Variants in EYS observed in about 807,000 individuals in gnomAD.
The protein encoded by EYS is protein eyes shut homolog.
In EYS, 250 loss-of-function variants were observed where a neutral mutation model predicts 282.1. The ratio of observed to expected loss-of-function variants is 0.89; its 90% CI spans 0.80 to 0.98. The LOEUF (loss-of-function observed/expected upper bound fraction) is 0.98. Among genes scored for constraint, EYS ranks in the 50% least tolerant of loss-of-function variants. EYS has a pLI of 0.00. For synonymous variants in EYS, 1,355 were observed against 1,282.9 expected, an observed-to-expected ratio of 1.06 and a Z score of -1.20; for missense variants, 4,016 against 3,709.0, an observed-to-expected ratio of 1.08 and a Z score of -2.15.
chr6:65,000,802 A>G (rs1017517561), intron 13 of EYS, among the ~76,000 whole-genome samples: 2 of 152,214 alleles, frequency 1.3e-5, no homozygotes, highest in Admixed American at 1.3e-4. Context: ...TGTAACAACA[A>G]AATGGTGAAC....
chr6:65,599,799 G>C lies in EYS; in HGVS notation c.-333+39979C>G, dbSNP rs139076885. Among the ~76,000 whole-genome samples, 277 of 152,092 alleles carry C rather than the reference G, an allele frequency of 1.8e-3. 3 individuals are homozygous for C. The highest frequency in any genetic ancestry group is 6.5e-3 in the African/African-American group (268 of 41,510). On this transcript the variant is annotated intron_variant, in intron 2 of 42. Transcript: ENST00000503581. ...AGATAGTGCCTATTCATAGGGAAGGGGTTGGGGGGATAAATGGAACTTATT... is the reference window on the plus strand; with the variant it reads ...AGATAGTGCCTATTCATAGGGAAGGCGTTGGGGGGATAAATGGAACTTATT...
intron 31 of EYS, among the ~76,000 whole-genome samples, chr6:64,147,131 G>T (rs1018901211): frequency 3.3e-5 from 5 of 152,122 alleles, no homozygotes; most frequent in African/African-American, 1.2e-4. Context: ...TTGGGCTGAT[G>T]GGAGCAGATG....
chr6:63,942,444 C>T (rs1765270707), intron 35 of EYS, among the ~76,000 whole-genome samples: 1 of 152,148 alleles, frequency 6.6e-6, no homozygotes, highest in South Asian at 2.1e-4. Flanking sequence ...GTAGACATCT[C>T]TATTAAGGTG....
At chr6:64,421,855 TGG>T (rs4034647) in intron 28 of EYS, among the ~76,000 whole-genome samples, 18,409 of 102,552 alleles carry the variant, frequency 0.18, 1,286 homozygotes, top group African/African-American at 0.21. Context: ...TTTTTTTGTT[TGG>T]GGGGTGTGTG....
At chr6:65,435,520 A>C (rs1768042286) in intron 5 of EYS, among the ~76,000 whole-genome samples, 2 of 152,144 alleles carry the variant, frequency 1.3e-5, no homozygotes, top group Non-Finnish European at 2.9e-5. Context: ...TTACTAAGTA[A>C]AAAGAGAGAG....
intron 32 of EYS, among the ~76,000 whole-genome samples, chr6:64,076,647 G>T (rs1448178800): frequency 2.0e-5 from 3 of 151,866 alleles, no homozygotes; most frequent in African/African-American, 7.3e-5. Flanking sequence ...TGTCAAGTAA[G>T]ATGTGTCTTT....
chr6:64,954,870 A>G (rs887469085), intron 14 of EYS, among the ~76,000 whole-genome samples: 4 of 152,158 alleles, frequency 2.6e-5, no homozygotes, highest in Non-Finnish European at 5.9e-5. Context: ...CAAACTGAAA[A>G]ACAAATCAAA....
intron 12 of EYS, among the ~76,000 whole-genome samples, chr6:65,062,091 AC>A (rs1006087265): frequency 6.6e-6 from 1 of 151,840 alleles, no homozygotes; most frequent in African/African-American, 2.4e-5. Context: ...AGAAACCTCA[AC>A]CGTATCATGC....
intron 8 of EYS, among the ~76,000 whole-genome samples, chr6:65,363,989 T>A (rs1346419678): frequency 6.6e-6 from 1 of 151,434 alleles, no homozygotes; most frequent in Non-Finnish European, 1.5e-5. Context: ...ATATCTTAAT[T>A]ATTGGGGCTT....
intron 22 of EYS, among the ~76,000 whole-genome samples, chr6:64,648,710 T>C (rs1768443780): frequency 6.6e-6 from 1 of 152,186 alleles, no homozygotes; most frequent in South Asian, 2.1e-4. Context: ...GATAGACTGA[T>C]AAACCGTTCA....
intron 2 of EYS, among the ~76,000 whole-genome samples, chr6:65,550,160 T>C (rs1431380546): frequency 1.1e-4 from 1 of 8,968 alleles, no homozygotes; most frequent in Non-Finnish European, 1.5e-4. Flanking sequence ...TTTTTTTTTT[T>C]TTTTTTTTTT....
chr6:64,896,426 T>C (rs1290902288), intron 18 of EYS, among the ~76,000 whole-genome samples: 1 of 152,146 alleles, frequency 6.6e-6, no homozygotes, highest in South Asian at 2.1e-4. Flanking sequence ...TTTCTCATGG[T>C]CATTGAAACC....
chr6:64,598,642 A>G (rs1037755627), intron 24 of EYS, among the ~76,000 whole-genome samples: 1 of 152,204 alleles, frequency 6.6e-6, no homozygotes, highest in African/African-American at 2.4e-5. Context: ...TCTTGTGGAC[A>G]TTGTATAGCC....
intron 19 of EYS, among the ~76,000 whole-genome samples, chr6:64,825,388 C>T (rs1311738013): frequency 1.3e-5 from 2 of 151,772 alleles, no homozygotes; most frequent in Non-Finnish European, 2.9e-5. Context: ...ACAAGCTTAG[C>T]TTCATAAAGG....
intron 19 of EYS, among the ~76,000 whole-genome samples, chr6:64,837,129 AC>A (rs1318838253): frequency 4.0e-5 from 6 of 151,674 alleles, no homozygotes; most frequent in Admixed American, 4.0e-4. Context: ...GTTATTGTTC[AC>A]TTTTTGTGGT....
rs552235482 is a variant in EYS, at chr6:64,741,006, C to T, written c.3443+72372G>A. ...GGGATTACAGGCGTGAGCCACCGCGCCTGGCCATGAATGTTCTTAATGACA... is the reference window on the plus strand; with the variant it reads ...GGGATTACAGGCGTGAGCCACCGCGTCTGGCCATGAATGTTCTTAATGACA... On this transcript the variant is annotated intron_variant, in intron 22 of 42. Transcript: ENST00000503581. Among the ~76,000 whole-genome samples, 4 of 152,252 alleles carry T rather than the reference C, an allele frequency of 2.6e-5. No homozygotes were observed. In the South Asian group the frequency reaches 8.3e-4, roughly 32 times the overall value.
intron 29 of EYS, among the ~76,000 whole-genome samples, chr6:64,375,759 A>G (rs76507870): frequency 2.0e-5 from 3 of 152,228 alleles, no homozygotes; most frequent in Admixed American, 2.0e-4. Context: ...TAGGTTTTTT[A>G]GAGAAGGACA....
chr6:64,683,266 T>C (rs533598062), intron 22 of EYS, among the ~76,000 whole-genome samples: 73 of 152,306 alleles, frequency 4.8e-4, no homozygotes, highest in Middle Eastern at 3.4e-3. Context: ...AATTTTGCAC[T>C]GAGCTCATAA....
At chr6:64,250,716 G>A (rs1361855853) in intron 30 of EYS, among the ~76,000 whole-genome samples, 2 of 152,048 alleles carry the variant, frequency 1.3e-5, no homozygotes, top group East Asian at 1.9e-4. Context: ...TAAAAAACTA[G>A]AATCCAAATG....
Sources: allele counts gnomAD v4.1 joint callset (sites outside exome capture counted in the v4.1 genomes callset), GRCh38; gene constraint gnomAD v4.1.1; transcripts MANE v1.5; gene names NCBI Gene and HGNC (gene_info 2026-07-23, HGNC 2026-07-21).